The following BBS9 variants were observed in gnomAD, a reference collection of about 807,000 sequenced individuals.
The protein encoded by BBS9 is protein PTHB1.
Under a neutral mutation model 117.7 loss-of-function variants are expected in BBS9, and 89 were observed. The observed-to-expected ratio is 0.76, with a 90% CI of 0.64 to 0.90. The LOEUF is 0.90. Ranked by LOEUF, BBS9 falls within the 40% of genes least tolerant of loss-of-function variation. The probability of loss-of-function intolerance (pLI) is 0.00; values close to 1 mark genes in which losing one functional copy is unlikely to be tolerated. For missense variants in BBS9, 982 were observed against 1,042.2 expected, an observed-to-expected ratio of 0.94 and a Z score of 0.80; for synonymous variants, 379 against 370.9, an observed-to-expected ratio of 1.02 and a Z score of -0.25.
chr7:33,256,475 T>G (rs903847920), intron 5 of BBS9, among the ~76,000 whole-genome samples: 3 of 149,468 alleles, frequency 2.0e-5, no homozygotes, highest in African/African-American at 4.8e-5. Context: ...CTCAGTTTGT[T>G]CTCTCTCTTT....
At chr7:33,574,670 T>C (rs1858405684) in intron 21 of BBS9, among the ~76,000 whole-genome samples, 1 of 146,160 alleles carries the variant, frequency 6.8e-6, no homozygotes, top group Non-Finnish European at 1.5e-5. Context: ...TCAATTGTAC[T>C]GGAAGTCATA....
intron 5 of BBS9, among the ~76,000 whole-genome samples, chr7:33,244,512 C>G (rs1245413745): frequency 6.6e-6 from 1 of 152,018 alleles, no homozygotes; most frequent in Non-Finnish European, 1.5e-5. Context: ...ATCTGATATC[C>G]AAGGTATAAA....
chr7:33,392,287 C>G (rs1479319483), intron 19 of BBS9, among the ~76,000 whole-genome samples: 3 of 152,160 alleles, frequency 2.0e-5, no homozygotes, highest in Non-Finnish European at 4.4e-5. Flanking sequence ...TGATCTGGGT[C>G]ATGCTTGGCT....
intron 17 of BBS9, among the ~76,000 whole-genome samples, chr7:33,376,757 TATC>T (rs1456511112): frequency 6.6e-6 from 1 of 152,210 alleles, no homozygotes; most frequent in East Asian, 1.9e-4. Context: ...TGTGACATGG[TATC>T]TCATTTTGGC....
chr7:33,522,231 G>A (rs1848732954), intron 20 of BBS9, among the ~76,000 whole-genome samples: 1 of 152,142 alleles, frequency 6.6e-6, no homozygotes, highest in South Asian at 2.1e-4. Flanking sequence ...CTTTATAGCA[G>A]CAAGATTTAT....
intron 16 of BBS9, among the ~76,000 whole-genome samples, chr7:33,361,902 G>T (rs557257339): frequency 6.6e-6 from 1 of 152,208 alleles, no homozygotes; most frequent in South Asian, 2.1e-4. Context: ...ATTGAAGTAT[G>T]ACTTTTGTAC....
intron 4 of BBS9, among the ~76,000 whole-genome samples, chr7:33,176,646 A>G (rs771308022): frequency 1.4e-4 from 21 of 152,328 alleles, no homozygotes; most frequent in Non-Finnish European, 2.4e-4. Flanking sequence ...ATATTTTTAG[A>G]TATTTTTAGT....
In BBS9 at chr7:33,425,168, G is replaced by A. The variant is rs921472561; in HGVS notation, c.2115+37024G>A. On this transcript the variant is annotated intron_variant, in intron 19 of 22. Transcript: ENST00000242067. ...TTATCTACCATTCTACATAAATGGA[G>A]AAGTTCTCCTCCCTTCCCAACCCTA... Among the ~76,000 whole-genome samples the A allele has an allele frequency of 8.5e-5, 13 of 152,218 alleles. No individual in the cohort carries two copies. In the South Asian group the frequency reaches 2.3e-3, roughly 27 times the overall value.
rs138232467 is a variant in BBS9 at position 33,528,926 on chromosome 7, G to C, written c.2299-5028G>C. ...CTTTACAAGTGTGGTCAAACTTTCT[G>C]CTTCTTACTGTTTCTAATAAGCCAC... is the stretch of plus-strand genomic sequence containing the variant. On this transcript the variant is annotated intron_variant, in intron 20 of 22. Transcript: ENST00000242067. Among the ~76,000 whole-genome samples, 325 of 152,322 alleles carry C rather than the reference G, an allele frequency of 2.1e-3. 4 individuals are homozygous for C. In the South Asian group the frequency reaches 0.022, roughly 10 times the overall value.
At chr7:33,437,160 CTAGAAGGGTAAT>C (rs1835419570) in intron 19 of BBS9, among the ~76,000 whole-genome samples, 1 of 152,188 alleles carries the variant, frequency 6.6e-6, no homozygotes, top group Non-Finnish European at 1.5e-5. Context: ...TAATCCTTGT[CTAGAAGGGTAAT>C]TAGAAACCAT....
rs143523185 is a variant in BBS9, at chr7:33,400,864, T to C, written c.2115+12720T>C. 1.4e-4 allele frequency among the ~76,000 whole-genome samples: 21 copies of C among 152,252 alleles called. No homozygotes were observed. In the East Asian group the frequency reaches 4.1e-3, roughly 29 times the overall value. On this transcript the variant is annotated intron_variant, in intron 19 of 22. Coordinates refer to ENST00000242067, the MANE Select transcript of BBS9 (RefSeq NM_198428.3). Reference sequence around the variant, plus strand: ...TGTATAGCCTGGAACAATCTAGCAGTAGGAAAAGTGATTTAATGTAATTAA... The same window carrying C: ...TGTATAGCCTGGAACAATCTAGCAGCAGGAAAAGTGATTTAATGTAATTAA...
chr7:33,362,316 C>A (rs1261341475), intron 16 of BBS9, among the ~76,000 whole-genome samples: 1 of 152,106 alleles, frequency 6.6e-6, no homozygotes, highest in Non-Finnish European at 1.5e-5. Flanking sequence ...CATAAATTTA[C>A]TGTTACATCT....
chr7:33,130,653 T>G (rs1413064446), intron 1 of BBS9, among the ~76,000 whole-genome samples: 1 of 152,138 alleles, frequency 6.6e-6, no homozygotes, highest in East Asian at 1.9e-4. Flanking sequence ...TTGGCCAGCA[T>G]TCAGAGAAAG....
Position 33,534,086 on chromosome 7 carries a change from C to T in BBS9, c.2431C>T (p.His811Tyr). The T allele has an allele frequency of 6.2e-7, 1 of 1,614,202 alleles. No individual in the cohort carries two copies. The highest frequency in any genetic ancestry group is 8.5e-7 in the Non-Finnish European group (1 of 1,180,044). ...CAAAGACACAAGCCAACTGAAGAAA[C>T]ATATCACCTTGCTCTGCGATAGATT... ...IPKDTSQLKK[H>Y]ITLLCDRLSK... Residue 811 changes from histidine to tyrosine, a missense_variant, in exon 21 of 23, where the codon CAT becomes TAT. By Grantham distance (83) the His-to-Tyr change is moderately conservative. Coordinates refer to ENST00000242067, the MANE Select transcript of BBS9 (RefSeq NM_198428.3).
chr7:33,344,370 A>G (rs1817213260), intron 11 of BBS9, among the ~76,000 whole-genome samples: 1 of 152,082 alleles, frequency 6.6e-6, no homozygotes, highest in Non-Finnish European at 1.5e-5. Context: ...TGCCCGGCCC[A>G]GGGGATGAGT....
chr7:33,233,684 A>G (rs1189193013), intron 5 of BBS9, among the ~76,000 whole-genome samples: 2 of 152,192 alleles, frequency 1.3e-5, no homozygotes, highest in African/African-American at 4.8e-5. Flanking sequence ...AGAAGGAAAA[A>G]TCAAACAACT....
downstream of BBS9, among the ~76,000 whole-genome samples, chr7:33,606,749 A>G (rs532584324): frequency 5.9e-5 from 9 of 152,038 alleles, no homozygotes; most frequent in African/African-American, 2.2e-4. Flanking sequence ...TTATCTCCTT[A>G]TCCCTACACC....
At chr7:33,603,490 CAT>C (rs1323271269) in intron 21 of BBS9, among the ~76,000 whole-genome samples, 2 of 152,270 alleles carry the variant, frequency 1.3e-5, no homozygotes, top group African/African-American at 4.8e-5. Context: ...TACTGAATCT[CAT>C]GAGACCTCAG....
At chr7:33,433,595 G>A (rs775535271) in intron 19 of BBS9, among the ~76,000 whole-genome samples, 2 of 152,058 alleles carry the variant, frequency 1.3e-5, no homozygotes, top group East Asian at 1.9e-4. Context: ...TAGTGCCATC[G>A]GCATTAGTAT....
Sources: allele counts gnomAD v4.1 joint callset (sites outside exome capture counted in the v4.1 genomes callset), GRCh38; gene constraint gnomAD v4.1.1; transcripts MANE v1.5; gene names NCBI Gene and HGNC (gene_info 2026-07-23, HGNC 2026-07-21).